The following CHN2 variants were observed in gnomAD, a reference collection of about 807,000 sequenced individuals.
The protein encoded by CHN2 is beta-chimaerin.
A neutral mutation model predicts 56.3 loss-of-function variants in CHN2; 35 were observed. The ratio of observed to expected loss-of-function variants is 0.62; its 90% confidence interval spans 0.47 to 0.82. The LOEUF (loss-of-function observed/expected upper bound fraction) is 0.82, where lower values mean the gene tolerates loss of function less well. Among genes scored for constraint, CHN2 ranks in the 40% least tolerant of loss-of-function variants. The probability of loss-of-function intolerance (pLI) is 0.00; values close to 1 mark genes in which losing one functional copy is unlikely to be tolerated. For missense variants in CHN2, 491 were observed against 580.5 expected (o/e 0.85, Z 1.58); for synonymous variants, 210 against 212.8 (o/e 0.99, Z 0.12).
chr7:29,295,667 C>A (rs1443678419), intron 1 of CHN2, among the ~76,000 whole-genome samples: 1 of 152,146 alleles, frequency 6.6e-6, no homozygotes, highest in Non-Finnish European at 1.5e-5. Context: ...CCAATGTTTT[C>A]ATCTGGTAGC....
intron 1 of CHN2, among the ~76,000 whole-genome samples, chr7:29,286,316 T>A (rs1418005805): frequency 1.3e-5 from 2 of 151,836 alleles, no homozygotes; most frequent in Non-Finnish European, 2.9e-5. Flanking sequence ...GCAGGCCTCA[T>A]CTTTATTTCA....
chr7:29,473,856 C>G (rs1786362809), intron 6 of CHN2, among the ~76,000 whole-genome samples: 1 of 151,958 alleles, frequency 6.6e-6, no homozygotes, highest in Non-Finnish European at 1.5e-5. Flanking sequence ...ATTAGACAAT[C>G]TCAATGGTTA....
chr7:29,339,684 C>T (rs1025679919), intron 1 of CHN2, among the ~76,000 whole-genome samples: 34 of 151,988 alleles, frequency 2.2e-4, no homozygotes, highest in Admixed American at 2.2e-3. Flanking sequence ...GAAACCCTGT[C>T]TCTACTAACA....
intron 6 of CHN2, among the ~76,000 whole-genome samples, chr7:29,418,541 C>CTT (rs1447737182): frequency 6.6e-6 from 1 of 152,188 alleles, no homozygotes; most frequent in Non-Finnish European, 1.5e-5. Context: ...AAAATGAATT[C>CTT]TTTTTTTGTT....
rs376752109 is a variant in CHN2, at chr7:29,359,151, G to T, written c.88+4488G>T. On this transcript the variant is annotated intron_variant, in intron 2 of 12. Coordinates refer to ENST00000222792, the MANE Select transcript of CHN2 (RefSeq NM_004067.4). ...TACCCATTCCTGACTCTATCACTGTGGTCAGGGATGTGCTGACTGCCCTAA... is the reference window on the plus strand; with the variant it reads ...TACCCATTCCTGACTCTATCACTGTTGTCAGGGATGTGCTGACTGCCCTAA... 2.4e-4 allele frequency among the ~76,000 whole-genome samples: 36 copies of T among 152,174 alleles called. 1 individual carries two copies. The East Asian group carries it at 2.7e-3, about 11-fold the overall frequency.
At chr7:29,186,111 A>G (rs1237115686) in intron 2 of CHN2, among the ~76,000 whole-genome samples, 1 of 152,098 alleles carries the variant, frequency 6.6e-6, no homozygotes, top group African/African-American at 2.4e-5. Flanking sequence ...AATAATTTTG[A>G]TCCCTTGAAA....
At chr7:29,349,807 A>T (rs1193380134) in intron 1 of CHN2, among the ~76,000 whole-genome samples, 1 of 151,906 alleles carries the variant, frequency 6.6e-6, no homozygotes, top group Non-Finnish European at 1.5e-5. Flanking sequence ...TTCAAGGATA[A>T]TTTTTTTTAT....
At chr7:29,208,238 C>T (rs1216789814) in intron 1 of CHN2, among the ~76,000 whole-genome samples, 2 of 152,162 alleles carry the variant, frequency 1.3e-5, no homozygotes, top group South Asian at 2.1e-4. Flanking sequence ...CAATGGCCTG[C>T]GTGAATGTAT....
chr7:29,329,564 A>T (rs1796064594), intron 1 of CHN2, among the ~76,000 whole-genome samples: 2 of 152,104 alleles, frequency 1.3e-5, no homozygotes, highest in Admixed American at 1.3e-4. Flanking sequence ...ATCAATAGAA[A>T]AGTGGTGAGG....
At chr7:29,278,398 T>C (rs1274098404) in intron 1 of CHN2, among the ~76,000 whole-genome samples, 1 of 150,990 alleles carries the variant, frequency 6.6e-6, no homozygotes, top group African/African-American at 2.4e-5. Context: ...AAAGCAGCCA[T>C]AGAAGATACA....
chr7:29,475,516 T>G (rs1171026479), intron 6 of CHN2, among the ~76,000 whole-genome samples: 1 of 152,196 alleles, frequency 6.6e-6, no homozygotes, highest in East Asian at 1.9e-4. Context: ...ATAGATTTAG[T>G]GTATACCCAA....
intron 6 of CHN2, among the ~76,000 whole-genome samples, chr7:29,403,498 G>A (rs1802393125): frequency 6.6e-6 from 1 of 152,062 alleles, no homozygotes; most frequent in African/African-American, 2.4e-5. Context: ...TGAATCCAGA[G>A]AGACGATGTT....
At chr7:29,332,378 A>G (rs1036631334) in intron 1 of CHN2, among the ~76,000 whole-genome samples, 1 of 152,222 alleles carries the variant, frequency 6.6e-6, no homozygotes, top group Non-Finnish European at 1.5e-5. Context: ...GCTAGCTGCT[A>G]ATACAGACAA....
At position 29,504,823 on chromosome 7, in the gene CHN2, T is replaced by C. The variant is rs758482004; in HGVS notation, c.991+2T>C. On this transcript the variant is annotated splice_donor_variant, in intron 10 of 12. Transcript: ENST00000222792. LOFTEE classifies it high-confidence loss of function. The stretch of plus-strand genomic sequence containing the variant: ...ATGTCAAAATGGCATTTGACAGAGG[T>C]AAGCTTGTACTTTCTTGAATGCCAT... The C allele has an allele frequency of 9.3e-6, 15 of 1,609,372 alleles. No individual in the cohort carries two copies. The South Asian group carries it at 1.5e-4, about 17-fold the overall frequency.
intron 4 of CHN2, chr7:29,397,082 A>C: frequency 6.6e-6 from 1 of 152,318 alleles, no homozygotes; most frequent in East Asian, 1.9e-4. Flanking sequence ...TAAAATCAAA[A>C]TTTGGGAAGC....
chr7:29,433,158 T>TG (rs985729278), intron 6 of CHN2, among the ~76,000 whole-genome samples: 15 of 152,124 alleles, frequency 9.9e-5, no homozygotes, highest in African/African-American at 3.4e-4. Context: ...CTACATGCCG[T>TG]GGGGGGAGAT....
intron 3 of CHN2, among the ~76,000 whole-genome samples, chr7:29,392,521 A>G (rs573860538): frequency 6.6e-6 from 1 of 152,324 alleles, no homozygotes; most frequent in South Asian, 2.1e-4. Context: ...AATGCACAGG[A>G]GAGTGAACAC....
chr7:29,152,127 G>C (rs914087772), intron 2 of CHN2, among the ~76,000 whole-genome samples: 5 of 152,110 alleles, frequency 3.3e-5, no homozygotes, highest in Non-Finnish European at 5.9e-5. Context: ...GCCTCTGAAG[G>C]GTTTTCCAGA....
At chr7:29,231,342 C>T (rs245945) in intron 1 of CHN2, among the ~76,000 whole-genome samples, 36,500 of 152,012 alleles carry the variant, frequency 0.24, 4,941 homozygotes, top group East Asian at 0.53. Flanking sequence ...AAAAATTCAT[C>T]CCCGGTAGGA....
Sources: allele counts gnomAD v4.1 joint callset (sites outside exome capture counted in the v4.1 genomes callset), GRCh38; gene constraint gnomAD v4.1.1; transcripts MANE v1.5; gene names NCBI Gene and HGNC (gene_info 2026-07-23, HGNC 2026-07-21).